HS6ST3: variants seen among roughly 807,000 people sequenced by gnomAD.
HS6ST3 encodes the protein heparan-sulfate 6-O-sulfotransferase 3.
HS6ST3 carries 12 observed loss-of-function variants against 36.7 expected under a neutral mutation model. The observed-to-expected ratio is 0.33, with a 90% confidence interval of 0.21 to 0.53. The LOEUF is 0.53. HS6ST3 is among the 20% of genes least tolerant of loss of function. HS6ST3 has a pLI of 0.95. For synonymous variants in HS6ST3, 240 were observed against 257.5 expected (o/e 0.93, Z 0.65); for missense variants, 584 against 640.9 (o/e 0.91, Z 0.96).
At chr13:96,523,269 T>C (rs2056100995) in intron 1 of HS6ST3, among the ~76,000 whole-genome samples, 1 of 152,214 alleles carries the variant, frequency 6.6e-6, no homozygotes, top group Non-Finnish European at 1.5e-5. Flanking sequence ...GTGAGTAACC[T>C]GACCTTTCTC....
At chr13:96,382,989 A>G (rs889167684) in intron 1 of HS6ST3, among the ~76,000 whole-genome samples, 2 of 152,224 alleles carry the variant, frequency 1.3e-5, no homozygotes, top group African/African-American at 2.4e-5. Context: ...GTGTATGTAT[A>G]ATAGCATAAG....
At chr13:96,097,422 A>C (rs1255673495) in intron 1 of HS6ST3, among the ~76,000 whole-genome samples, 2 of 152,182 alleles carry the variant, frequency 1.3e-5, no homozygotes, top group Admixed American at 1.3e-4. Flanking sequence ...TCCTAATGTG[A>C]TTTTAAGAGT....
intron 1 of HS6ST3, among the ~76,000 whole-genome samples, chr13:96,299,987 G>A (rs1007574641): frequency 2.0e-5 from 3 of 150,900 alleles, no homozygotes; most frequent in Admixed American, 6.6e-5. Context: ...GAAGAGCAAA[G>A]GTGAAGCAGG....
chr13:96,355,364 C>T (rs2055204560), intron 1 of HS6ST3, among the ~76,000 whole-genome samples: 1 of 47,944 alleles, frequency 2.1e-5, no homozygotes, highest in African/African-American at 1.1e-4. Context: ...TAGTTACACA[C>T]ACACACACAC....
chr13:96,307,477 CTG>C (rs2054919424), intron 1 of HS6ST3, among the ~76,000 whole-genome samples: 1 of 151,852 alleles, frequency 6.6e-6, no homozygotes, highest in African/African-American at 2.4e-5. Flanking sequence ...TTTGATGAGT[CTG>C]TTAAAAAAAC....
At chr13:96,329,538 T>A (rs912536703) in intron 1 of HS6ST3, among the ~76,000 whole-genome samples, 6 of 146,330 alleles carry the variant, frequency 4.1e-5, no homozygotes, top group Non-Finnish European at 9.0e-5. Flanking sequence ...TGCGCTGTGG[T>A]CTGAGAGATA....
chr13:96,325,258 A>G (rs34818702), intron 1 of HS6ST3, among the ~76,000 whole-genome samples: 55,062 of 151,990 alleles, frequency 0.36, 10,272 homozygotes, highest in African/African-American at 0.43. Flanking sequence ...AGTTATATAA[A>G]TGATACTCCT....
chr13:96,099,936 CAT>C (rs1390699749), intron 1 of HS6ST3, among the ~76,000 whole-genome samples: 7 of 152,144 alleles, frequency 4.6e-5, no homozygotes, highest in Non-Finnish European at 8.8e-5. Context: ...GAAAGAAAGA[CAT>C]GTGGTAACTT....
chr13:96,410,227 A>G (rs1307478177), intron 1 of HS6ST3, among the ~76,000 whole-genome samples: 1 of 152,194 alleles, frequency 6.6e-6, no homozygotes, highest in Non-Finnish European at 1.5e-5. Context: ...TAGACAATAC[A>G]CATCAAAAGG....
chr13:96,526,940 TGCA>T (rs2056116578), intron 1 of HS6ST3, among the ~76,000 whole-genome samples: 1 of 152,188 alleles, frequency 6.6e-6, no homozygotes, highest in Non-Finnish European at 1.5e-5. Context: ...AGTATAGCAT[TGCA>T]ATAATTTTAT....
intron 1 of HS6ST3, among the ~76,000 whole-genome samples, chr13:96,549,578 G>A (rs1356919916): frequency 6.6e-6 from 1 of 152,092 alleles, no homozygotes; most frequent in Non-Finnish European, 1.5e-5. Context: ...TATAGTCAAA[G>A]GTTATCTGTC....
intron 1 of HS6ST3, among the ~76,000 whole-genome samples, chr13:96,553,107 T>G (rs1477689417): frequency 6.6e-6 from 1 of 152,178 alleles, no homozygotes; most frequent in African/African-American, 2.4e-5. Context: ...CTTGTGAAAC[T>G]CGGTGTTTTT....
intron 1 of HS6ST3, among the ~76,000 whole-genome samples, chr13:96,254,448 A>AATATATATAT (rs869064004): frequency 6.0e-5 from 1 of 16,534 alleles, no homozygotes; most frequent in Non-Finnish European, 1.1e-4. Flanking sequence ...AAAAAAAAAA[A>AATATATATAT]ATATATATAT....
At chr13:96,217,817 T>G (rs2054434555) in intron 1 of HS6ST3, among the ~76,000 whole-genome samples, 1 of 152,184 alleles carries the variant, frequency 6.6e-6, no homozygotes, top group South Asian at 2.1e-4. Flanking sequence ...TATATATTTA[T>G]ATACATGTAT....
chr13:96,291,148 A>G (rs986184068), intron 1 of HS6ST3, among the ~76,000 whole-genome samples: 3 of 151,968 alleles, frequency 2.0e-5, no homozygotes, highest in African/African-American at 7.3e-5. Context: ...TGTGTATTTT[A>G]CTTACTTATT....
intron 1 of HS6ST3, among the ~76,000 whole-genome samples, chr13:96,236,745 T>C (rs900271048): frequency 1.3e-5 from 2 of 152,222 alleles, no homozygotes; most frequent in African/African-American, 4.8e-5. Flanking sequence ...ACCAAACTGC[T>C]ATCCTACTAT....
At chr13:96,636,807 T>C (rs1207540614) in intron 1 of HS6ST3, among the ~76,000 whole-genome samples, 4 of 151,716 alleles carry the variant, frequency 2.6e-5, no homozygotes, top group African/African-American at 9.7e-5. Flanking sequence ...AGGGCAGGAG[T>C]TCAGTAGAAG....
intron 1 of HS6ST3, among the ~76,000 whole-genome samples, chr13:96,741,878 G>A (rs1238468051): frequency 1.3e-5 from 2 of 152,122 alleles, no homozygotes; most frequent in South Asian, 4.1e-4. Flanking sequence ...GATGAATTCA[G>A]CACAGACTGA....
chr13:96,516,370 C>T (rs1170966462), intron 1 of HS6ST3, among the ~76,000 whole-genome samples: 4 of 152,094 alleles, frequency 2.6e-5, no homozygotes, highest in Non-Finnish European at 5.9e-5. Context: ...TTATATCATA[C>T]TTACTTTGTG....
Sources: gnomAD v4.1 joint callset for allele counts (sites outside exome capture counted in the v4.1 genomes callset) on GRCh38, gnomAD v4.1.1 for gene constraint, MANE v1.5 for transcripts, NCBI Gene and HGNC (gene_info 2026-07-23, HGNC 2026-07-21) for gene names.